OAS2: variants seen among roughly 807,000 people sequenced by gnomAD.
The protein encoded by OAS2 is 2'-5'-oligoadenylate synthetase 2, also known as 2'-5'-oligoadenylate synthase 2.
In OAS2, 67 loss-of-function variants were observed where a neutral mutation model predicts 71.3. That is an observed-to-expected ratio of 0.94 (90% confidence interval 0.77 to 1.15). The LOEUF is 1.15. OAS2 is among the 50% of genes most tolerant of loss of function. OAS2 has a pLI of 0.00. For missense variants in OAS2, 789 were observed against 822.5 expected (o/e 0.96, Z 0.50); for synonymous variants, 327 against 321.8 (o/e 1.02, Z -0.17).
chr12:112,987,567 T>C, intron 2 of OAS2: 1 of 1,318,078 alleles, frequency 7.6e-7, no homozygotes, highest in Non-Finnish European at 9.6e-7. Flanking sequence ...TAAGCCATAC[T>C]GTACACATAA....
chr12:112,980,517 C>A (rs1261542261), intron 1 of OAS2, among the ~76,000 whole-genome samples: 1 of 152,190 alleles, frequency 6.6e-6, no homozygotes, highest in Non-Finnish European at 1.5e-5. Flanking sequence ...TGACTTATTT[C>A]ATTTAACATA....
Position 113,003,113 on chromosome 12 carries a change from G to T in OAS2, c.1179+11G>T. 1 of 1,613,764 alleles carries T rather than the reference G, an allele frequency of 6.2e-7. No homozygotes were observed. The highest frequency in any genetic ancestry group is 8.5e-7 in the Non-Finnish European group (1 of 1,179,716). The stretch of plus-strand genomic sequence containing the variant: ...ATCCAGATTGTCCGGGTGAGCACTG[G>T]CCTTTCTCATGTCTTGTTGGAATGA... On this transcript the variant is annotated intron_variant, in intron 6 of 9. Transcript: ENST00000392583.
intron 2 of OAS2, chr12:112,987,602 C>A (rs1221405557): frequency 5.6e-6 from 7 of 1,248,172 alleles, no homozygotes; most frequent in Non-Finnish European, 7.0e-6. Flanking sequence ...TGTTAAAATG[C>A]AGATCCTGAC....
chr12:113,006,014 G>A (rs187797313), intron 7 of OAS2, among the ~76,000 whole-genome samples: 29 of 148,400 alleles, frequency 2.0e-4, no homozygotes, highest in African/African-American at 5.0e-4. Context: ...GATCAGTGTC[G>A]TCCCAGAGAT....
intron 1 of OAS2, among the ~76,000 whole-genome samples, chr12:112,984,947 T>G (rs1428284095): frequency 6.6e-6 from 1 of 152,086 alleles, no homozygotes; most frequent in African/African-American, 2.4e-5. Context: ...CTGAAAGGGT[T>G]TTTTTTTAGC....
intron 2 of OAS2, chr12:112,988,052 T>G (rs2044156665): frequency 2.0e-6 from 2 of 985,452 alleles, no homozygotes. Context: ...TACTTGGGTC[T>G]GAAAATAGCC....
Position 113,010,554 on chromosome 12 carries a change from C to A in OAS2, c.*1299C>A. 6.3e-7 allele frequency: 1 copy of A among 1,577,806 alleles called. No homozygotes were observed. Reference sequence around the variant, plus strand: ...AAGAGTCACTCACATCCATTCTTCCCTTGATGGTCCCTATTCCTCCTTCCC... The same window carrying A: ...AAGAGTCACTCACATCCATTCTTCCATTGATGGTCCCTATTCCTCCTTCCC... On this transcript the variant is annotated 3_prime_UTR_variant, in exon 10 of 10. Coordinates refer to ENST00000392583, the MANE Select transcript of OAS2 (RefSeq NM_002535.3).
Position 113,009,257 on chromosome 12 carries a change from G to A in OAS2, c.*2G>A. On this transcript the variant is annotated 3_prime_UTR_variant, in exon 10 of 10. Coordinates refer to ENST00000392583, the MANE Select transcript of OAS2 (RefSeq NM_002535.3). The stretch of plus-strand genomic sequence containing the variant: ...AAAGTGCCGGTAAAAGTCATCTAAA[G>A]GAGGCGTTGTCTGGAAATAGCCCTG... 1 of 1,613,576 alleles carries A rather than the reference G, an allele frequency of 6.2e-7. No homozygotes were observed. The highest frequency in any genetic ancestry group is 1.3e-5 in the African/African-American group (1 of 75,022).
chr12:112,987,149 A>C lies in OAS2; in HGVS notation c.289A>C (p.Ile97Leu). The C allele has an allele frequency of 1.2e-6, 2 of 1,614,218 alleles. No homozygotes were observed. Among genetic ancestry groups the C allele is most frequent in the Non-Finnish European group, 1.7e-6 (2 of 1,180,038 alleles). Residue 97 changes from isoleucine to leucine, a missense_variant, in exon 2 of 10, where the codon ATC becomes CTC. Ile to Leu is a conservative substitution (Grantham distance 5). Coordinates refer to ENST00000392583, the MANE Select transcript of OAS2 (RefSeq NM_002535.3). Reference sequence around the variant, plus strand: ...GGATCAGAAGAGAAGCCAACGTGACATCCTCGATAAAACTGGGGATAAGCT... The same window carrying C: ...GGATCAGAAGAGAAGCCAACGTGACCTCCTCGATAAAACTGGGGATAAGCT... Reference protein sequence around the residue: ...FQDQKRSQRDILDKTGDKLKF... With the variant: ...FQDQKRSQRDLLDKTGDKLKF...
intron 5 of OAS2, among the ~76,000 whole-genome samples, chr12:113,001,393 TA>T (rs2044286018): frequency 6.7e-6 from 1 of 149,224 alleles, no homozygotes; most frequent in African/African-American, 2.5e-5. Flanking sequence ...TATACACATA[TA>T]TATACACATA....
intron 1 of OAS2, among the ~76,000 whole-genome samples, chr12:112,984,590 A>T (rs1478682678): frequency 6.6e-6 from 1 of 152,208 alleles, no homozygotes; most frequent in African/African-American, 2.4e-5. Flanking sequence ...GATAGGTAAC[A>T]ACTTACTCCT....
At position 112,987,223 on chromosome 12, in the gene OAS2, G is replaced by A. The variant is rs777788070; in HGVS notation, c.363G>A (p.Gln121=). The A allele has an allele frequency of 1.6e-4, 253 of 1,614,060 alleles. No individual in the cohort carries two copies. Among genetic ancestry groups the A allele is most frequent in the Non-Finnish European group, 2.0e-4 (240 of 1,180,048 alleles). ...GGTTGAAAAACAATTTCGAGATCCA[G>A]AAGTCCCTTGATGGGTTCACCATCC... ...TKWLKNNFEI[Q]KSLDGFTIQV... is the part of the protein sequence containing the mutation. Residue 121 remains glutamine (Q), a synonymous_variant, in exon 2 of 10, where the codon CAG becomes CAA. Transcript: ENST00000392583.
In OAS2 at chr12:112,995,672, C is replaced by T. The variant is rs199677645; in HGVS notation, c.627+198C>T. Among the ~76,000 whole-genome samples, 5 of 152,176 alleles carry T rather than the reference C, an allele frequency of 3.3e-5. No homozygotes were observed. The East Asian group carries it at 7.7e-4, about 23-fold the overall frequency. On this transcript the variant is annotated intron_variant, in intron 3 of 9. Coordinates refer to ENST00000392583, the MANE Select transcript of OAS2 (RefSeq NM_002535.3). The stretch of plus-strand genomic sequence containing the variant: ...CAAGCCCATTGTCCCCCTAGTAATC[C>T]TCCCAAACAAACCCCTATTCTAACA...
chr12:112,978,604 G>C lies in OAS2; in HGVS notation c.-5G>C. On this transcript the variant is annotated 5_prime_UTR_variant, in exon 1 of 10. Coordinates refer to ENST00000392583, the MANE Select transcript of OAS2 (RefSeq NM_002535.3). The surrounding 1 kb of genome is among the most constrained non-coding windows in gnomAD (Gnocchi z 4.2). ...CACTGTCTTGCCGGCAGCCAGCTGAGAGCAATGGGAAATGGGGAGTCCCAG... is the reference window on the plus strand; with the variant it reads ...CACTGTCTTGCCGGCAGCCAGCTGACAGCAATGGGAAATGGGGAGTCCCAG... The C allele has an allele frequency of 6.2e-7, 1 of 1,613,894 alleles. No individual in the cohort carries two copies. The highest frequency in any genetic ancestry group is 8.5e-7 in the Non-Finnish European group (1 of 1,179,878).
At chr12:112,986,112 T>C (rs898836818) in intron 1 of OAS2, among the ~76,000 whole-genome samples, 1 of 152,246 alleles carries the variant, frequency 6.6e-6, no homozygotes, top group Non-Finnish European at 1.5e-5. Context: ...AGCATCAGTG[T>C]TGTCTGTGAG....
In OAS2 at chr12:113,009,106, G is replaced by A. The variant is rs2044358696; in HGVS notation, c.1915G>A (p.Ala639Thr). Residue 639 changes from alanine to threonine, a missense_variant, in exon 10 of 10, where the codon GCC (alanine) becomes ACC (threonine). Coordinates refer to ENST00000392583, the MANE Select transcript of OAS2 (RefSeq NM_002535.3). ...ATTCAGGCCTGTGATCTTGGACCCAGCCGAACCCACAGGTGACGTGGGTGG... is the reference window on the plus strand; with the variant it reads ...ATTCAGGCCTGTGATCTTGGACCCAACCGAACCCACAGGTGACGTGGGTGG... ...QKTRPVILDP[A>T]EPTGDVGGGD... is the part of the protein sequence containing the mutation. 1 of 1,613,522 alleles carries A rather than the reference G, an allele frequency of 6.2e-7. No homozygotes were observed. Among genetic ancestry groups the A allele is most frequent in the Admixed American group, 1.7e-5 (1 of 59,986 alleles).
chr12:112,999,812 C>T (rs1343275489), intron 5 of OAS2, among the ~76,000 whole-genome samples: 1 of 152,226 alleles, frequency 6.6e-6, no homozygotes, highest in Admixed American at 6.5e-5. Context: ...CAGTAAACTC[C>T]TATGATCCCC....
At chr12:113,005,922 A>C (rs1425845895) in intron 7 of OAS2, among the ~76,000 whole-genome samples, 14,802 of 61,386 alleles carry the variant, frequency 0.24, 1,086 homozygotes, top group East Asian at 0.36. Context: ...CAACAACAAA[A>C]AAAAAAAAAA....
chr12:113,008,123 T>C (rs1484495986), intron 9 of OAS2, among the ~76,000 whole-genome samples, 180 bp downstream of exon 9: 1 of 152,152 alleles, frequency 6.6e-6, no homozygotes, highest in Non-Finnish European at 1.5e-5. Flanking sequence ...GAGAAAATGC[T>C]GTTCAGAAAA....
Sources: allele counts gnomAD v4.1 joint callset (sites outside exome capture counted in the v4.1 genomes callset), GRCh38; gene constraint gnomAD v4.1.1; non-coding constraint Gnocchi (gnomAD v3.1); transcripts MANE v1.5; gene names NCBI Gene and HGNC (gene_info 2026-07-23, HGNC 2026-07-21).